The following FMNL2 variants were observed in gnomAD, a reference collection of about 807,000 sequenced individuals.
FMNL2 encodes formin like 2.
A neutral mutation model predicts 130.2 loss-of-function variants in FMNL2; 51 were observed. The observed-to-expected ratio is 0.39, with a 90% CI of 0.31 to 0.49. FMNL2 has a LOEUF of 0.49. FMNL2 is among the 20% of genes least tolerant of loss of function. FMNL2 has a pLI of 0.85. For synonymous variants in FMNL2, 465 were observed against 467.1 expected (o/e 1.00, Z 0.06); for missense variants, 977 against 1,316.2 (o/e 0.74, Z 3.99).
intron 1 of FMNL2, among the ~76,000 whole-genome samples, chr2:152,418,634 C>A (rs946876732): frequency 7.2e-5 from 11 of 152,162 alleles, no homozygotes; most frequent in Non-Finnish European, 1.2e-4. Flanking sequence ...GTCAGAATTT[C>A]ATTCTTTTTT....
chr2:152,335,755 G>C, intron 1 of FMNL2, 35 bp downstream of exon 1: 5 of 1,488,116 alleles, frequency 3.4e-6, no homozygotes, highest in Middle Eastern at 1.9e-4. Context: ...GCGGGGACCC[G>C]GGGCCCCGGG....
chr2:152,440,005 C>T (rs1007026334), intron 1 of FMNL2, among the ~76,000 whole-genome samples: 1 of 151,824 alleles, frequency 6.6e-6, no homozygotes, highest in Non-Finnish European at 1.5e-5. Flanking sequence ...TGCCAAGTGA[C>T]CTCTCTACTG....
chr2:152,560,714 C>T (rs1339503511), intron 5 of FMNL2, among the ~76,000 whole-genome samples, 169 bp from the exon 6 acceptor site: 1 of 152,308 alleles, frequency 6.6e-6, no homozygotes, highest in Middle Eastern at 3.4e-3. Context: ...TTAAAGCTAA[C>T]ACTGAGCCCA....
chr2:152,421,084 T>C (rs1192195958), intron 1 of FMNL2, among the ~76,000 whole-genome samples: 1 of 152,154 alleles, frequency 6.6e-6, no homozygotes, highest in East Asian at 1.9e-4. Context: ...ATGGTAAAAC[T>C]GAAATGAAAC....
chr2:152,403,799 G>C (rs1162062530), intron 1 of FMNL2, among the ~76,000 whole-genome samples: 1 of 152,232 alleles, frequency 6.6e-6, no homozygotes, highest in Non-Finnish European at 1.5e-5. Context: ...GCCGGGCACA[G>C]TGGCTCACGC....
intron 1 of FMNL2, among the ~76,000 whole-genome samples, chr2:152,468,754 G>A (rs779538825): frequency 6.6e-6 from 1 of 152,124 alleles, no homozygotes; most frequent in East Asian, 1.9e-4. Context: ...TTTAGACAAT[G>A]CTGTTTTAGA....
intron 1 of FMNL2, among the ~76,000 whole-genome samples, chr2:152,396,427 A>G (rs139552580): frequency 2.6e-5 from 4 of 152,308 alleles, no homozygotes; most frequent in African/African-American, 7.2e-5. Context: ...CCAGTTATTT[A>G]TTTCAGTGTT....
chr2:152,508,841 C>A (rs1342830883), intron 1 of FMNL2, among the ~76,000 whole-genome samples: 2 of 152,118 alleles, frequency 1.3e-5, no homozygotes, highest in Non-Finnish European at 2.9e-5. Context: ...CATCCTGCCA[C>A]CCCCCGCCCA....
rs368459003 is a variant in FMNL2, at chr2:152,512,473, A to G, written c.118-9470A>G. 3.0e-4 allele frequency among the ~76,000 whole-genome samples: 45 copies of G among 152,336 alleles called. No homozygotes were observed. The South Asian group carries it at 4.8e-3, about 16-fold the overall frequency. On this transcript the variant is annotated intron_variant, in intron 1 of 25. Coordinates refer to ENST00000288670, the MANE Select transcript of FMNL2 (RefSeq NM_052905.4). ...GCGGGAGAGCTTGTCCTTGACTGCT[A>G]TAGCTGCACCCTTTTGTCCTGTGGA...
intron 6 of FMNL2, among the ~76,000 whole-genome samples, chr2:152,574,497 A>G (rs555033459): frequency 6.6e-6 from 1 of 152,180 alleles, no homozygotes; most frequent in South Asian, 2.1e-4. Context: ...TGCTGGAATA[A>G]TGAAACTGTA....
chr2:152,510,137 A>G (rs1048980451), intron 1 of FMNL2, among the ~76,000 whole-genome samples: 4 of 152,238 alleles, frequency 2.6e-5, no homozygotes, highest in Non-Finnish European at 5.9e-5. Flanking sequence ...AACCACGTAC[A>G]AATAGATAAT....
intron 1 of FMNL2, among the ~76,000 whole-genome samples, chr2:152,475,378 A>G (rs1017384804): frequency 2.6e-5 from 4 of 152,200 alleles, no homozygotes; most frequent in African/African-American, 9.7e-5. Flanking sequence ...TAGATGTCCA[A>G]CCTCTTAGAC....
At chr2:152,594,114 G>C (rs1388229492) in intron 9 of FMNL2, among the ~76,000 whole-genome samples, 7 of 152,020 alleles carry the variant, frequency 4.6e-5, no homozygotes, top group South Asian at 2.1e-4. Flanking sequence ...TGGTGGGTCT[G>C]GTATATTGTG....
intron 9 of FMNL2, among the ~76,000 whole-genome samples, chr2:152,594,750 C>T (rs930439627): frequency 6.6e-6 from 1 of 152,216 alleles, no homozygotes; most frequent in African/African-American, 2.4e-5. Flanking sequence ...CACTGCAGCT[C>T]AACAGCCATT....
intron 1 of FMNL2, among the ~76,000 whole-genome samples, chr2:152,517,165 T>C (rs545227048): frequency 7.1e-6 from 1 of 140,620 alleles, no homozygotes. Context: ...GAATTGAAGA[T>C]TTTTTTCCCC....
At chr2:152,530,823 T>C (rs1693645973) in intron 2 of FMNL2, among the ~76,000 whole-genome samples, 1 of 152,178 alleles carries the variant, frequency 6.6e-6, no homozygotes, top group South Asian at 2.1e-4. Context: ...CCTGCTGCAG[T>C]AGTAAAACAA....
At chr2:152,395,522 G>A (rs1490133750) in intron 1 of FMNL2, among the ~76,000 whole-genome samples, 1 of 152,194 alleles carries the variant, frequency 6.6e-6, no homozygotes, top group Non-Finnish European at 1.5e-5. Context: ...ATCTGGACCA[G>A]TCCCTTAAAA....
At chr2:152,483,612 CT>C in intron 1 of FMNL2, among the ~76,000 whole-genome samples, 1 of 152,272 alleles carries the variant, frequency 6.6e-6, no homozygotes, top group South Asian at 2.1e-4. Flanking sequence ...ATGTTGTCTC[CT>C]TTGTGCCCTC....
rs1695492245 is a variant in FMNL2 at position 152,561,014 on chromosome 2, C to G, written c.575C>G (p.Ser192Cys). The change falls in exon 6 of 26, where the codon TCT (serine) becomes TGT (cysteine). Residue 192 changes from serine to cysteine, a missense_variant. Ser to Cys is a moderately radical substitution (Grantham distance 112, BLOSUM62 -1). Transcript: ENST00000288670. Reference protein sequence around the residue: ...PSPVGNSVSRSGRHSALRYNT... With the variant: ...PSPVGNSVSRCGRHSALRYNT... ...CCTGTGGGCAACAGTGTCTCCCGCT[C>G]TGGAAGACATTCTGCACTGCGGTGA... is the stretch of plus-strand genomic sequence containing the variant. 6.2e-7 allele frequency: 1 copy of G among 1,601,442 alleles called. No individual in the cohort carries two copies. Among genetic ancestry groups the G allele is most frequent in the Non-Finnish European group, 8.5e-7 (1 of 1,173,782 alleles).
Sources: allele counts gnomAD v4.1 joint callset (sites outside exome capture counted in the v4.1 genomes callset), GRCh38; gene constraint gnomAD v4.1.1; transcripts MANE v1.5; gene names NCBI Gene and HGNC (gene_info 2026-07-23, HGNC 2026-07-21).